PCDH11Y: variants seen among roughly 807,000 people sequenced by gnomAD.
The protein encoded by PCDH11Y is protocadherin-11 Y-linked.
For synonymous variants in PCDH11Y, 9 were observed against 83.6 expected (o/e 0.11, Z 4.87); for missense variants, 12 against 224.8 (o/e 0.05, Z 6.05).
intron 3 of PCDH11Y, among the ~76,000 whole-genome samples, chrY:5,520,721 C>T: frequency 3.4e-5 from 1 of 29,417 alleles, no homozygotes; most frequent in Non-Finnish European, 8.0e-5. Context: ...GCTCAACATC[C>T]CATAGCCATT....
chrY:5,326,221 C>A, intron 2 of PCDH11Y, among the ~76,000 whole-genome samples: 2 of 32,732 alleles, frequency 6.1e-5, no homozygotes, highest in African/African-American at 2.4e-4. Context: ...TAGGAAAGGC[C>A]TTTACTTTAT....
intron 4 of PCDH11Y, among the ~76,000 whole-genome samples, chrY:5,720,554 A>T: frequency 2.2e-4 from 6 of 27,407 alleles, no homozygotes; most frequent in African/African-American, 4.2e-4. Context: ...GGTGATTCAT[A>T]AAAAAAAAAA....
chrY:5,384,624 A>G (rs2053209299), intron 2 of PCDH11Y, among the ~76,000 whole-genome samples: 1 of 29,489 alleles, frequency 3.4e-5, no homozygotes, highest in Non-Finnish European at 8.1e-5. Context: ...AAGAGTGTCA[A>G]AAACCAAATT....
chrY:5,034,948 G>A, intron 3 of PCDH11Y, among the ~76,000 whole-genome samples: 1 of 29,112 alleles, frequency 3.4e-5, no homozygotes, highest in Non-Finnish European at 8.3e-5. Context: ...GGCTGAAGAG[G>A]AGAGGTCATG....
intron 2 of PCDH11Y, among the ~76,000 whole-genome samples, chrY:5,148,253 G>A (rs2052860145): frequency 3.0e-5 from 1 of 32,960 alleles, no homozygotes; most frequent in South Asian, 6.7e-4. Flanking sequence ...AAGAAATTGA[G>A]TACCTTTTGT....
chrY:5,588,500 T>G, intron 4 of PCDH11Y, among the ~76,000 whole-genome samples: 1 of 33,589 alleles, frequency 3.0e-5, no homozygotes, highest in Non-Finnish European at 7.4e-5. Flanking sequence ...TCTTTAGTAT[T>G]TCCTGAAGGA....
chrY:5,243,958 G>C, intron 2 of PCDH11Y, among the ~76,000 whole-genome samples: 1 of 31,806 alleles, frequency 3.1e-5, no homozygotes, highest in African/African-American at 1.3e-4. Context: ...CCATTCAAAA[G>C]CAATATTATA....
chrY:5,499,342 A>G (rs2124687788), intron 2 of PCDH11Y, among the ~76,000 whole-genome samples: 2 of 33,419 alleles, frequency 6.0e-5, no homozygotes, highest in Admixed American at 5.6e-4. Flanking sequence ...TTACACTCAC[A>G]TGTAGAAAAT....
At chrY:5,616,370 A>G (rs2053493768) in intron 4 of PCDH11Y, among the ~76,000 whole-genome samples, 1 of 33,337 alleles carries the variant, frequency 3.0e-5, no homozygotes, top group Non-Finnish European at 7.4e-5. Flanking sequence ...AGCTTGGTGG[A>G]TGGAAAAATT....
intron 2 of PCDH11Y, among the ~76,000 whole-genome samples, chrY:5,464,988 A>C: frequency 1.2e-4 from 4 of 33,265 alleles, no homozygotes; most frequent in African/African-American, 2.3e-4. Context: ...TTCAAAACAC[A>C]TTTGTTTCAC....
At chrY:5,392,797 T>C in intron 2 of PCDH11Y, among the ~76,000 whole-genome samples, 1 of 33,868 alleles carries the variant, frequency 3.0e-5, no homozygotes, top group East Asian at 7.8e-4. Context: ...GGAAAGATCT[T>C]GCTGTCTATT....
chrY:5,601,408 C>T (rs2124699554), intron 4 of PCDH11Y, among the ~76,000 whole-genome samples: 1 of 32,879 alleles, frequency 3.0e-5, no homozygotes, highest in South Asian at 6.8e-4. Flanking sequence ...AATGTAAGCT[C>T]TATGATGGCA....
chrY:5,529,002 C>A (rs1486657415), intron 3 of PCDH11Y, among the ~76,000 whole-genome samples: 99 of 32,720 alleles, frequency 3.0e-3, no homozygotes, highest in Non-Finnish European at 6.2e-3. Context: ...GTTGTGAATA[C>A]CACAAATAAA....
chrY:5,286,190 G>T, intron 2 of PCDH11Y, among the ~76,000 whole-genome samples: 1 of 32,831 alleles, frequency 3.0e-5, no homozygotes. Context: ...TAGGTGTGTT[G>T]CGTTATCTGG....
intron 2 of PCDH11Y, among the ~76,000 whole-genome samples, chrY:5,448,756 G>A: frequency 6.1e-5 from 2 of 33,054 alleles, no homozygotes; most frequent in Admixed American, 5.6e-4. Context: ...CCAAAAAGCA[G>A]AGAAAAGTCA....
At chrY:5,656,801 A>G in intron 4 of PCDH11Y, among the ~76,000 whole-genome samples, 1 of 32,058 alleles carries the variant, frequency 3.1e-5, no homozygotes, top group Non-Finnish European at 7.6e-5. Flanking sequence ...AAAAGGGACA[A>G]AACTGGAGGA....
intron 3 of PCDH11Y, among the ~76,000 whole-genome samples, chrY:5,548,445 T>G (rs2124693799): frequency 3.0e-5 from 1 of 32,807 alleles, no homozygotes; most frequent in South Asian, 6.8e-4. Flanking sequence ...CTACTAATCA[T>G]TGACATCCCT....
intron 2 of PCDH11Y, among the ~76,000 whole-genome samples, chrY:5,487,507 T>C: frequency 5.9e-5 from 2 of 33,968 alleles, no homozygotes; most frequent in African/African-American, 2.3e-4. Flanking sequence ...TTGTTTTGTT[T>C]GTTAAAGGCA....
chrY:5,211,123 G>C (rs1602886873), intron 2 of PCDH11Y, among the ~76,000 whole-genome samples: 7 of 31,772 alleles, frequency 2.2e-4, no homozygotes, highest in East Asian at 8.8e-4. Flanking sequence ...GGTGACAATA[G>C]GTTTATTTCC....
Sources: allele counts gnomAD v4.1 joint callset (sites outside exome capture counted in the v4.1 genomes callset), GRCh38; gene constraint gnomAD v4.1.1; transcripts MANE v1.5; gene names NCBI Gene and HGNC (gene_info 2026-07-23, HGNC 2026-07-21).